Variants in PVT1 observed in about 807,000 individuals in gnomAD.
PVT1 encodes CXCR4/PVT1 fusion.
chr8:127,920,233 G>A (rs1816040835), intron 3 of PVT1, among the ~76,000 whole-genome samples: 1 of 152,212 alleles, frequency 6.6e-6, no homozygotes, highest in Non-Finnish European at 1.5e-5. Flanking sequence ...ACATCTGTCA[G>A]TCCACTGCAA....
intron 4 of PVT1, among the ~76,000 whole-genome samples, chr8:128,065,603 G>T (rs939187031): frequency 4.6e-5 from 7 of 152,264 alleles, no homozygotes; most frequent in South Asian, 2.1e-4. Context: ...AAAGGTTAGT[G>T]GGGGGATCTC....
chr8:127,972,055 G>T (rs1022891582), intron 3 of PVT1, among the ~76,000 whole-genome samples: 1 of 152,226 alleles, frequency 6.6e-6, no homozygotes, highest in Non-Finnish European at 1.5e-5. Context: ...AAGGCATCTG[G>T]CCTCAGCCTC....
At chr8:127,964,925 C>G (rs537965244) in intron 3 of PVT1, among the ~76,000 whole-genome samples, 2 of 152,190 alleles carry the variant, frequency 1.3e-5, no homozygotes, top group South Asian at 2.1e-4. Flanking sequence ...CCTCCCACAG[C>G]ATGGGATTAC....
intron 3 of PVT1, among the ~76,000 whole-genome samples, chr8:127,960,967 A>C (rs1173717364): frequency 7.4e-6 from 1 of 135,702 alleles, no homozygotes; most frequent in Admixed American, 7.4e-5. Flanking sequence ...GGGCACGAAT[A>C]GGGGAGGAAT....
chr8:127,985,123 G>C (rs560021377), intron 3 of PVT1, among the ~76,000 whole-genome samples: 1 of 149,612 alleles, frequency 6.7e-6, no homozygotes, highest in South Asian at 2.1e-4. Context: ...AACCTCTGCT[G>C]CCTAGCTTCA....
At chr8:127,967,850 A>G (rs1816720360) in intron 3 of PVT1, among the ~76,000 whole-genome samples, 1 of 152,240 alleles carries the variant, frequency 6.6e-6, no homozygotes, top group Non-Finnish European at 1.5e-5. Context: ...GAGCACACAC[A>G]GGCTCCCTTT....
At chr8:127,912,545 T>TA (rs550798523) in intron 3 of PVT1, among the ~76,000 whole-genome samples, 34 of 152,226 alleles carry the variant, frequency 2.2e-4, no homozygotes, top group Non-Finnish European at 4.1e-4. Flanking sequence ...TCACTTGAGT[T>TA]ATTCCACACC....
At chr8:128,018,226 GA>G (rs1170449923) in intron 4 of PVT1, among the ~76,000 whole-genome samples, 1 of 152,202 alleles carries the variant, frequency 6.6e-6, no homozygotes, top group African/African-American at 2.4e-5. Context: ...CAAATGGCAT[GA>G]TGATATTATA....
chr8:128,022,792 C>T (rs751740388), intron 4 of PVT1, among the ~76,000 whole-genome samples: 7 of 152,052 alleles, frequency 4.6e-5, no homozygotes, highest in South Asian at 2.1e-4. Context: ...TAATTCTTCA[C>T]TCATTCCCTG....
At chr8:128,051,413 T>C (rs1200206148) in intron 4 of PVT1, among the ~76,000 whole-genome samples, 3 of 152,238 alleles carry the variant, frequency 2.0e-5, no homozygotes, top group Non-Finnish European at 2.9e-5. Flanking sequence ...TGTGCCTCAA[T>C]GAAGACCTCC....
chr8:127,833,964 A>G (rs1814881362), intron 2 of PVT1, among the ~76,000 whole-genome samples: 1 of 152,178 alleles, frequency 6.6e-6, no homozygotes, highest in Non-Finnish European at 1.5e-5. Context: ...AATTGGATCT[A>G]ACAAGCTCAC....
In PVT1 at chr8:128,022,821, C is replaced by CT. The variant is rs1817453701; in HGVS notation, n.912+33531dup. Among the ~76,000 whole-genome samples the CT allele has an allele frequency of 2.0e-5, 3 of 151,546 alleles. No individual in the cohort carries two copies. The East Asian group carries it at 5.8e-4, about 29-fold the overall frequency. Reference sequence around the variant, plus strand: ...TTCCCTGTATCTCATTCTGGACTGACTGTGTCTCATAAGCTGTTAGTAAAC... The same window carrying CT: ...TTCCCTGTATCTCATTCTGGACTGACTTGTGTCTCATAAGCTGTTAGTAAAC... On this transcript the variant is annotated intron_variant and non_coding_transcript_variant, in intron 4 of 10. Coordinates refer to ENST00000651587, the Ensembl canonical transcript of PVT1.
intron 3 of PVT1, among the ~76,000 whole-genome samples, chr8:127,976,320 G>A (rs1265269327): frequency 6.6e-6 from 1 of 152,110 alleles, no homozygotes; most frequent in Non-Finnish European, 1.5e-5. Flanking sequence ...TGAGTTCCTT[G>A]CTTTCTTGAG....
chr8:127,809,324 T>C (rs1814566062), intron 2 of PVT1, among the ~76,000 whole-genome samples: 1 of 152,276 alleles, frequency 6.6e-6, no homozygotes, highest in African/African-American at 2.4e-5. Flanking sequence ...CCAGAGTAGC[T>C]GGGACTACAG....
chr8:127,819,677 C>G (rs1432279228), intron 2 of PVT1, among the ~76,000 whole-genome samples: 1 of 152,132 alleles, frequency 6.6e-6, no homozygotes, highest in African/African-American at 2.4e-5. Context: ...CTACCCAGCC[C>G]TCGGGAGCTC....
intron 2 of PVT1, among the ~76,000 whole-genome samples, chr8:127,845,227 A>T (rs1026107127): frequency 3.1e-4 from 47 of 152,268 alleles, no homozygotes; most frequent in African/African-American, 1.1e-3. Context: ...CACTGGCTTC[A>T]TTGTGGGGGC....
In PVT1 at chr8:128,025,638, C is replaced by T. The variant is rs977863863; in HGVS notation, n.912+36347C>T. ...TTTAAATTCGTGCAGAATCTCAATA[C>T]AGCTCCCTTCCTGTTGGAACCATGT... On this transcript the variant is annotated intron_variant and non_coding_transcript_variant, in intron 4 of 10. Transcript: ENST00000651587. 4.6e-5 allele frequency among the ~76,000 whole-genome samples: 7 copies of T among 152,218 alleles called. No homozygotes were observed. In the East Asian group the frequency reaches 1.3e-3, roughly 29 times the overall value.
chr8:127,933,653 A>G (rs1224365941), intron 3 of PVT1, among the ~76,000 whole-genome samples: 3 of 152,082 alleles, frequency 2.0e-5, no homozygotes, highest in African/African-American at 7.2e-5. Context: ...GTTTGGTGGG[A>G]CCTTGGAGAC....
chr8:128,099,731 A>G (rs1420246246), intron 6 of PVT1: 1 of 152,208 alleles, frequency 6.6e-6, no homozygotes, highest in Non-Finnish European at 1.5e-5. Flanking sequence ...CTTCCAGTAC[A>G]GTTTCTATGT....
Sources: gnomAD v4.1 joint callset for allele counts (sites outside exome capture counted in the v4.1 genomes callset) on GRCh38, gnomAD v4.1.1 for gene constraint, MANE v1.5 for transcripts, NCBI Gene and HGNC (gene_info 2026-07-23, HGNC 2026-07-21) for gene names.